ARHGAP40: variants seen among roughly 807,000 people sequenced by gnomAD.
ARHGAP40 encodes the protein Rho GTPase activating protein 40, also known as rho GTPase-activating protein 40.
A neutral mutation model predicts 73.5 loss-of-function variants in ARHGAP40; 43 were observed. That is an observed-to-expected ratio of 0.58 (90% CI 0.46 to 0.75). The LOEUF (loss-of-function observed/expected upper bound fraction) is 0.75, where lower values mean the gene tolerates loss of function less well. Among genes scored for constraint, ARHGAP40 ranks in the 30% least tolerant of loss-of-function variants. The pLI is 0.00. For missense variants in ARHGAP40, 734 were observed against 861.8 expected, an observed-to-expected ratio of 0.85 and a Z score of 1.86; for synonymous variants, 300 against 352.8, an observed-to-expected ratio of 0.85 and a Z score of 1.68.
chr20:38,643,772 T>A, exon 11 of ARHGAP40: 1 of 1,305,884 alleles, frequency 7.7e-7, no homozygotes, highest in African/African-American at 1.5e-5. Context: ...TGAGGAATGT[T>A]TCCACCGTGA....
At chr20:38,614,941 G>T in intron 1 of ARHGAP40, 1 of 1,317,828 alleles carries the variant, frequency 7.6e-7, no homozygotes, top group Non-Finnish European at 1.1e-6. Flanking sequence ...AGTACTCTCC[G>T]AAGGCTGGAG....
In ARHGAP40 at chr20:38,646,949, C is replaced by T; in HGVS notation, c.1711-8C>T. The T allele has an allele frequency of 7.7e-7, 1 of 1,303,822 alleles. No individual in the cohort carries two copies. The highest frequency in any genetic ancestry group is 1.0e-6 in the Non-Finnish European group (1 of 988,230). 80.8% of individuals were successfully genotyped at this position (1,303,822 alleles called of 1,614,324 possible). On this transcript the variant is annotated splice_region_variant and splice_polypyrimidine_tract_variant and intron_variant, in intron 12 of 14. Coordinates refer to ENST00000373345, the Ensembl canonical transcript of ARHGAP40. This position sits in a 1 kb window ranked among gnomAD's most constrained non-coding sequence, Gnocchi z 4.5. ...TGTATATGGATCTTTCTCTCTCTCT[C>T]TCTGCAGACTCCCAAGGTGGCAAAG...
chr20:38,621,446 C>A (rs1163600839), intron 1 of ARHGAP40, among the ~76,000 whole-genome samples: 1 of 152,164 alleles, frequency 6.6e-6, no homozygotes, highest in Non-Finnish European at 1.5e-5. Flanking sequence ...CTGTGAGCAT[C>A]CAGCTCCTCA....
In ARHGAP40 at chr20:38,601,857, C is replaced by T; in HGVS notation, c.-86C>T. On this transcript the variant is annotated 5_prime_UTR_variant, in exon 1 of 15. Transcript: ENST00000373345. ...AACTGGGTGCGCCACGGGGGCCCTACCTCACTCCTCCCTCTCACATTGCCG... is the reference window on the plus strand; with the variant it reads ...AACTGGGTGCGCCACGGGGGCCCTATCTCACTCCTCCCTCTCACATTGCCG... 3.1e-6 allele frequency: 4 copies of T among 1,272,050 alleles called. 1 individual carries two copies. In the South Asian group the frequency reaches 5.0e-5, roughly 16 times the overall value. The allele number at this position is 1,272,050 out of a possible 1,614,324, so 78.8% of individuals were successfully genotyped here. A position where few individuals can be genotyped will look rare whatever the true frequency, so the allele number is the denominator to read the frequency against.
chr20:38,643,761 C>G, exon 11 of ARHGAP40: 1 of 1,305,928 alleles, frequency 7.7e-7, no homozygotes, highest in Non-Finnish European at 1.0e-6. Flanking sequence ...CAAGATGACT[C>G]TGAGGAATGT....
At chr20:38,631,563 C>T (rs1232214298) in intron 5 of ARHGAP40, among the ~76,000 whole-genome samples, 1 of 152,120 alleles carries the variant, frequency 6.6e-6, no homozygotes, top group Non-Finnish European at 1.5e-5. Context: ...GAAAGACCTG[C>T]CCCCGTGATT....
At chr20:38,616,985 G>C (rs1472300695) in intron 1 of ARHGAP40, among the ~76,000 whole-genome samples, 1 of 151,562 alleles carries the variant, frequency 6.6e-6, no homozygotes, top group Non-Finnish European at 1.5e-5. Context: ...TCACGCTGTT[G>C]CCCAGGCTGG....
intron 1 of ARHGAP40, among the ~76,000 whole-genome samples, chr20:38,604,005 T>C (rs1441369098): frequency 6.6e-6 from 1 of 152,254 alleles, no homozygotes; most frequent in Non-Finnish European, 1.5e-5. Flanking sequence ...CTTAGCTTAA[T>C]CACATATGCA....
intron 14 of ARHGAP40, 24 bp downstream of exon 14, chr20:38,648,722 G>C: frequency 7.7e-7 from 1 of 1,304,828 alleles, no homozygotes; most frequent in Non-Finnish European, 1.0e-6. Context: ...TGGGAAACAG[G>C]AACAGAGCCC....
chr20:38,607,365 G>A (rs1480621015), intron 1 of ARHGAP40, among the ~76,000 whole-genome samples: 2 of 152,162 alleles, frequency 1.3e-5, no homozygotes, highest in African/African-American at 2.4e-5. Flanking sequence ...AACCCGGAAC[G>A]GCCACCTCAG....
At chr20:38,649,692 C>G in intron 14 of ARHGAP40, 65 bp from the exon 15 acceptor site, 1 of 1,044,426 alleles carries the variant, frequency 9.6e-7, no homozygotes, top group Non-Finnish European at 1.3e-6. Context: ...GTGAAGGGCT[C>G]TGTGCAGGGG....
At chr20:38,649,827 C>T (rs1397373993) in exon 15 of ARHGAP40, 7 of 1,305,288 alleles carry the variant, frequency 5.4e-6, no homozygotes, top group Middle Eastern at 2.1e-4. Flanking sequence ...GTGAGTGGGT[C>T]CTTAAACAGA....
At chr20:38,610,647 G>A (rs1046578977) in intron 1 of ARHGAP40, among the ~76,000 whole-genome samples, 4 of 152,204 alleles carry the variant, frequency 2.6e-5, no homozygotes, top group East Asian at 3.8e-4. Context: ...CAGATTATAC[G>A]TGGATTCAGA....
chr20:38,604,685 C>T (rs899019678), intron 1 of ARHGAP40, among the ~76,000 whole-genome samples: 7 of 152,156 alleles, frequency 4.6e-5, no homozygotes, highest in East Asian at 1.9e-4. Context: ...TGAGCCAATG[C>T]GCCTGGCCCA....
chr20:38,628,927 A>C (rs1380127473), exon 4 of ARHGAP40: 1 of 1,304,226 alleles, frequency 7.7e-7, no homozygotes, highest in African/African-American at 1.5e-5. Flanking sequence ...ATTTGCATAG[A>C]AAATGTCGTC....
chr20:38,602,325 C>T (rs982736038), intron 1 of ARHGAP40, among the ~76,000 whole-genome samples: 1 of 150,928 alleles, frequency 6.6e-6, no homozygotes, highest in Middle Eastern at 3.4e-3. Flanking sequence ...AGGCTACTGG[C>T]CTCCTGCAGG....
In ARHGAP40 at chr20:38,650,024, C is replaced by T. The variant is rs1196455723; in HGVS notation, c.*176C>T. On this transcript the variant is annotated 3_prime_UTR_variant, in exon 15 of 15. Transcript: ENST00000373345. ...CAGAAATAGACTCAGGGGTGGTGCT[C>T]TCTCCACTCAGAGGGGATGAGGGGC... 4 of 398,228 alleles carry T rather than the reference C, an allele frequency of 1.0e-5. No homozygotes were observed. The Admixed American group carries it at 1.0e-4, about 10-fold the overall frequency. The allele number at this position is 398,228 out of a possible 1,614,324, so 24.7% of individuals were successfully genotyped here.
Position 38,646,494 on chromosome 20 carries a change from G to T in ARHGAP40, c.1710+307G>T, listed in dbSNP as rs2089054457. On this transcript the variant is annotated intron_variant, in intron 12 of 14. Transcript: ENST00000373345. The surrounding 1 kb of genome is among the most constrained non-coding windows in gnomAD (Gnocchi z 4.5). ...GGGAAAATGGGAGTCGCTCTGCGGGGTGTGAGGTGATTGGGGCTGGGTGGG... is the reference window on the plus strand; with the variant it reads ...GGGAAAATGGGAGTCGCTCTGCGGGTTGTGAGGTGATTGGGGCTGGGTGGG... Among the ~76,000 whole-genome samples the T allele has an allele frequency of 6.6e-6, 1 of 152,226 alleles. No homozygotes were observed. Among genetic ancestry groups the T allele is most frequent in the Non-Finnish European group, 1.5e-5 (1 of 68,042 alleles).
intron 2 of ARHGAP40, among the ~76,000 whole-genome samples, chr20:38,626,200 A>G (rs2088898146): frequency 6.6e-6 from 1 of 152,222 alleles, no homozygotes; most frequent in Non-Finnish European, 1.5e-5. Context: ...TTGAGTTTTT[A>G]AAACACTTAT....
Sources: allele counts gnomAD v4.1 joint callset (sites outside exome capture counted in the v4.1 genomes callset), GRCh38; gene constraint gnomAD v4.1.1; non-coding constraint Gnocchi (gnomAD v3.1); transcripts MANE v1.5; gene names NCBI Gene and HGNC (gene_info 2026-07-23, HGNC 2026-07-21).